Variants in DOCK8 observed in about 807,000 individuals in gnomAD.
DOCK8 encodes the protein dedicator of cytokinesis protein 8.
A neutral mutation model predicts 245.6 loss-of-function variants in DOCK8; 141 were observed. That is an observed-to-expected ratio of 0.57 (90% CI 0.50 to 0.66). The LOEUF is 0.66. Among genes scored for constraint, DOCK8 ranks in the 30% least tolerant of loss-of-function variants. The pLI is 0.00. For synonymous variants in DOCK8, 1,168 were observed against 970.2 expected (o/e 1.20, Z -3.79); for missense variants, 2,965 against 2,603.4 (o/e 1.14, Z -3.02).
intron 28 of DOCK8, 149 bp downstream of exon 28, chr9:407,218 G>C: frequency 8.1e-7 from 1 of 1,240,680 alleles, no homozygotes; most frequent in Non-Finnish European, 1.1e-6. Flanking sequence ...TGAGAATATG[G>C]TACCCATAAG....
At chr9:301,114 C>G (rs1429844913) in intron 4 of DOCK8, among the ~76,000 whole-genome samples, 1 of 152,168 alleles carries the variant, frequency 6.6e-6, no homozygotes, top group Non-Finnish European at 1.5e-5. Flanking sequence ...CAAACCAAAT[C>G]CAGCAGCACA....
Position 386,359 on chromosome 9 carries a change from C to T in DOCK8, c.2807C>T (p.Ser936Phe), listed in dbSNP as rs1337603883. Residue 936 changes from serine to phenylalanine, a missense_variant, in exon 23 of 48, where the codon TCT (serine) becomes TTT (phenylalanine). Coordinates refer to ENST00000432829, the MANE Select transcript of DOCK8 (RefSeq NM_203447.4). Reference sequence around the variant, plus strand: ...GCCGATCGCAACTGCAGCCGAATGTCTTACTATTGCTCTGGCAGTAGTGAT... The same window carrying T: ...GCCGATCGCAACTGCAGCCGAATGTTTTACTATTGCTCTGGCAGTAGTGAT... ...KIADRNCSRM[S>F]YYCSGSSDAP... is the part of the protein sequence containing the mutation. 6.2e-7 allele frequency: 1 copy of T among 1,613,848 alleles called. No homozygotes were observed. Among genetic ancestry groups the T allele is most frequent in the Non-Finnish European group, 8.5e-7 (1 of 1,179,896 alleles).
chr9:444,355 A>ATAATAATAT (rs1301915957), intron 43 of DOCK8, among the ~76,000 whole-genome samples: 4 of 149,988 alleles, frequency 2.7e-5, no homozygotes, highest in African/African-American at 9.7e-5. Context: ...AATAATAATA[A>ATAATAATAT]TAATAATAAT....
intron 2 of DOCK8, among the ~76,000 whole-genome samples, chr9:286,225 G>T (rs889002154): frequency 3.3e-5 from 5 of 152,136 alleles, no homozygotes; most frequent in Non-Finnish European, 7.4e-5. Context: ...GAAAAATTCC[G>T]CCTTGGGGTG....
intron 44 of DOCK8, among the ~76,000 whole-genome samples, chr9:447,043 T>C (rs1341847054): frequency 6.6e-6 from 1 of 152,078 alleles, no homozygotes; most frequent in Non-Finnish European, 1.5e-5. Flanking sequence ...GGCGGTGGTG[T>C]GCTGTGGGAA....
chr9:226,976 G>A (rs1375774210), intron 1 of DOCK8, among the ~76,000 whole-genome samples: 1 of 152,118 alleles, frequency 6.6e-6, no homozygotes, highest in African/African-American at 2.4e-5. Context: ...ATAAATATAT[G>A]CATAACTCTC....
chr9:379,005 C>G (rs1306829904), intron 20 of DOCK8, among the ~76,000 whole-genome samples: 1 of 152,126 alleles, frequency 6.6e-6, no homozygotes, highest in Non-Finnish European at 1.5e-5. Context: ...CTGAGATTCA[C>G]AGGGTCGGTA....
At chr9:342,339 G>A (rs1353980574) in intron 14 of DOCK8, among the ~76,000 whole-genome samples, 1 of 144,106 alleles carries the variant, frequency 6.9e-6, no homozygotes, top group Admixed American at 7.0e-5. Flanking sequence ...ATGGAGTCGT[G>A]AGTCATTTTT....
intron 7 of DOCK8, among the ~76,000 whole-genome samples, chr9:317,620 C>T (rs1203891542): frequency 6.6e-6 from 1 of 152,170 alleles, no homozygotes; most frequent in African/African-American, 2.4e-5. Flanking sequence ...TACCAGTATG[C>T]CACTGTTGAA....
At chr9:451,079 G>A (rs144620197) in intron 45 of DOCK8, among the ~76,000 whole-genome samples, 8,963 of 152,062 alleles carry the variant, frequency 0.059, 360 homozygotes, top group South Asian at 0.18. Context: ...GTGGGAGGCC[G>A]AGGTGGGTGA....
intron 46 of DOCK8, among the ~76,000 whole-genome samples, chr9:453,937 G>A (rs2057544719): frequency 6.6e-6 from 1 of 152,120 alleles, no homozygotes; most frequent in South Asian, 2.1e-4. Context: ...TATATTCCAG[G>A]CATGATATTA....
intron 2 of DOCK8, chr9:272,902 C>T: frequency 3.5e-6 from 1 of 289,400 alleles, no homozygotes; most frequent in Non-Finnish European, 5.2e-6. Context: ...CTCCTGTACT[C>T]ACTTCCTCAC....
intron 8 of DOCK8, among the ~76,000 whole-genome samples, chr9:326,028 AC>A (rs1342951381): frequency 1.3e-5 from 2 of 152,226 alleles, no homozygotes; most frequent in East Asian, 3.8e-4. Flanking sequence ...CCATTTAAAT[AC>A]ATTTTTAACA....
intron 1 of DOCK8, among the ~76,000 whole-genome samples, chr9:238,513 C>T (rs904971506): frequency 6.6e-6 from 1 of 152,248 alleles, no homozygotes; most frequent in South Asian, 2.1e-4. Flanking sequence ...AAACAACAGG[C>T]ACCATAATAA....
intron 4 of DOCK8, among the ~76,000 whole-genome samples, chr9:302,805 T>G (rs2049615504): frequency 6.6e-6 from 1 of 152,012 alleles, no homozygotes; most frequent in Non-Finnish European, 1.5e-5. Flanking sequence ...TGATACCAAC[T>G]CACAACAGTC....
At chr9:392,752 C>T (rs1191255382) in intron 24 of DOCK8, among the ~76,000 whole-genome samples, 1 of 152,070 alleles carries the variant, frequency 6.6e-6, no homozygotes, top group African/African-American at 2.4e-5. Flanking sequence ...GACATGAGCT[C>T]CATGCTCTGG....
intron 2 of DOCK8, among the ~76,000 whole-genome samples, chr9:279,639 A>G (rs1290009999): frequency 6.6e-6 from 1 of 152,230 alleles, no homozygotes; most frequent in African/African-American, 2.4e-5. Flanking sequence ...GGAGAGAGTG[A>G]ACAACTGTGT....
intron 26 of DOCK8, among the ~76,000 whole-genome samples, chr9:401,677 C>T (rs1376181363): frequency 6.6e-6 from 1 of 151,968 alleles, no homozygotes. Context: ...CAGCACCAGT[C>T]GACAGTGAAG....
intron 46 of DOCK8, among the ~76,000 whole-genome samples, chr9:459,133 G>A (rs1054761188): frequency 6.6e-6 from 1 of 152,234 alleles, no homozygotes; most frequent in East Asian, 1.9e-4. Flanking sequence ...CAGCACAGAT[G>A]TTTGTGGACC....
Sources: allele counts gnomAD v4.1 joint callset (sites outside exome capture counted in the v4.1 genomes callset), GRCh38; gene constraint gnomAD v4.1.1; transcripts MANE v1.5; gene names NCBI Gene and HGNC (gene_info 2026-07-23, HGNC 2026-07-21).